Variants in PSMB2 observed in about 807,000 individuals in gnomAD.
PSMB2 encodes the protein proteasome subunit beta type-2.
A neutral mutation model predicts 25.7 loss-of-function variants in PSMB2; 13 were observed. That is an observed-to-expected ratio of 0.51 (90% CI 0.33 to 0.80). PSMB2 has a LOEUF of 0.80. PSMB2 is among the 30% of genes least tolerant of loss of function. The pLI is 0.02. For synonymous variants in PSMB2, 87 were observed against 96.2 expected (o/e 0.90, Z 0.56); for missense variants, 202 against 259.0 (o/e 0.78, Z 1.51).
chr1:35,599,699 G>A lies in PSMB2; in HGVS notation c.*3568C>T. 1.0e-6 allele frequency: 1 copy of A among 985,214 alleles called. No homozygotes were observed. Among genetic ancestry groups the A allele is most frequent in the South Asian group, 4.7e-5 (1 of 21,286 alleles). 61.0% of individuals were successfully genotyped at this position (985,214 alleles called of 1,614,324 possible). A position where few individuals can be genotyped will look rare whatever the true frequency, so the allele number is the denominator to read the frequency against. On this transcript the variant is annotated 3_prime_UTR_variant, in exon 6 of 6. Coordinates refer to ENST00000373237, the MANE Select transcript of PSMB2 (RefSeq NM_002794.5). ...CACCAGAAAGTTTTAAGGGCAGAGAGGAATGGATGGTGAAACTAGTTTTTT... is the reference window on the plus strand; with the variant it reads ...CACCAGAAAGTTTTAAGGGCAGAGAAGAATGGATGGTGAAACTAGTTTTTT...
intron 2 of PSMB2, among the ~76,000 whole-genome samples, chr1:35,633,761 T>C (rs1651166861): frequency 6.6e-6 from 1 of 152,290 alleles, no homozygotes; most frequent in African/African-American, 2.4e-5. Flanking sequence ...CTAAGCCTTA[T>C]TCATCTTTGA....
chr1:35,613,591 A>G (rs1049681453), intron 3 of PSMB2, among the ~76,000 whole-genome samples: 1 of 152,194 alleles, frequency 6.6e-6, no homozygotes, highest in East Asian at 1.9e-4. Context: ...TTCAAGTTTA[A>G]GTCAACTGCC....
In PSMB2 at chr1:35,601,632, A is replaced by G; in HGVS notation, c.*1635T>C. The G allele has an allele frequency of 1.0e-6, 1 of 985,118 alleles. No individual in the cohort carries two copies. The highest frequency in any genetic ancestry group is 1.2e-6 in the Non-Finnish European group (1 of 829,638). The allele number at this position is 985,118 out of a possible 1,614,324, so 61.0% of individuals were successfully genotyped here. ...ATGAACGTTATGATCAGTAGGTAGT[A>G]TCTTAGATGATACATTTAATCACAG... On this transcript the variant is annotated 3_prime_UTR_variant, in exon 6 of 6. Transcript: ENST00000373237.
At chr1:35,625,617 C>G (rs920504727) in intron 3 of PSMB2, among the ~76,000 whole-genome samples, 1 of 151,754 alleles carries the variant, frequency 6.6e-6, no homozygotes, top group African/African-American at 2.4e-5. Flanking sequence ...AAAAAAGTAG[C>G]CAGGCATGGT....
chr1:35,629,291 T>C (rs1651013053), intron 3 of PSMB2, among the ~76,000 whole-genome samples: 1 of 152,200 alleles, frequency 6.6e-6, no homozygotes, highest in Non-Finnish European at 1.5e-5. Flanking sequence ...TAAGGCTCTA[T>C]TTATTTAGTC....
intron 3 of PSMB2, among the ~76,000 whole-genome samples, chr1:35,613,308 T>C (rs1283995654): frequency 6.6e-6 from 1 of 150,780 alleles, no homozygotes; most frequent in African/African-American, 2.4e-5. Context: ...GAGGCCAAGG[T>C]GAGAGGACTG....
chr1:35,628,923 C>A (rs1650999953), intron 3 of PSMB2, among the ~76,000 whole-genome samples: 1 of 151,950 alleles, frequency 6.6e-6, no homozygotes, highest in Non-Finnish European at 1.5e-5. Flanking sequence ...GATGAAAACT[C>A]AAACCATAAT....
At position 35,630,080 on chromosome 1, in the gene PSMB2, C is replaced by T. The variant is rs140703000; in HGVS notation, c.285+1194G>A. 3.1e-4 allele frequency among the ~76,000 whole-genome samples: 47 copies of T among 152,188 alleles called. No homozygotes were observed. The East Asian group carries it at 8.5e-3, about 28-fold the overall frequency. ...ATCCCAGCTACTTGGGAAATGGAGG[C>T]AGGAGAATCACTTGAACCCAGGAGG... is the stretch of plus-strand genomic sequence containing the variant. On this transcript the variant is annotated intron_variant, in intron 3 of 5. Transcript: ENST00000373237.
intron 3 of PSMB2, among the ~76,000 whole-genome samples, chr1:35,612,794 C>A (rs573933529): frequency 6.6e-6 from 1 of 152,282 alleles, no homozygotes; most frequent in Non-Finnish European, 1.5e-5. Context: ...CATCAAGTTG[C>A]AATGGTATAT....
chr1:35,611,275 C>T (rs1253051615), intron 3 of PSMB2, among the ~76,000 whole-genome samples: 1 of 152,070 alleles, frequency 6.6e-6, no homozygotes, highest in Non-Finnish European at 1.5e-5. Flanking sequence ...ATTTAACATT[C>T]TTTGAACACT....
At position 35,635,200 on chromosome 1, in the gene PSMB2, G is replaced by A. The variant is rs183235647; in HGVS notation, c.214+1110C>T. On this transcript the variant is annotated intron_variant, in intron 2 of 5. Transcript: ENST00000373237. ...CTTGAACCTGGAAGGCAGAGGTTGCGGTGAGCCGAGATTGTGCCACTGCAC... is the reference window on the plus strand; with the variant it reads ...CTTGAACCTGGAAGGCAGAGGTTGCAGTGAGCCGAGATTGTGCCACTGCAC... Among the ~76,000 whole-genome samples the A allele has an allele frequency of 1.2e-3, 186 of 151,672 alleles. 1 individual carries two copies. The Middle Eastern group carries it at 0.02, about 17-fold the overall frequency.
chr1:35,615,315 A>G (rs1051149896), intron 3 of PSMB2, among the ~76,000 whole-genome samples: 3 of 152,248 alleles, frequency 2.0e-5, no homozygotes, highest in Admixed American at 2.0e-4. Flanking sequence ...TGAGCATCTG[A>G]GTCCCACAGA....
chr1:35,632,852 C>T (rs1361435885), intron 2 of PSMB2, among the ~76,000 whole-genome samples: 1 of 151,954 alleles, frequency 6.6e-6, no homozygotes, highest in Non-Finnish European at 1.5e-5. Context: ...CATGATTGTG[C>T]CACTGCACTC....
intron 3 of PSMB2, among the ~76,000 whole-genome samples, chr1:35,610,832 C>A (rs1206560116): frequency 6.6e-6 from 1 of 152,152 alleles, no homozygotes; most frequent in Admixed American, 6.5e-5. Flanking sequence ...CCAGACTTAA[C>A]TGAAAAGTAA....
chr1:35,620,807 G>A lies in PSMB2; in HGVS notation c.285+10467C>T, dbSNP rs1299723740. On this transcript the variant is annotated intron_variant, in intron 3 of 5. Transcript: ENST00000373237. ...GGCCTCCCGAGTACCTAGGACTACA[G>A]ACACCTGTCACCATGCCCAGCTAAT... Among the ~76,000 whole-genome samples the A allele has an allele frequency of 2.0e-5, 3 of 151,684 alleles. No individual in the cohort carries two copies. In the East Asian group the frequency reaches 5.9e-4, roughly 30 times the overall value.
In PSMB2 at chr1:35,605,561, A is replaced by C. The variant is rs578031286; in HGVS notation, c.449-279T>G. ...ATTCTGCCTCCCCTGGCCAGGGCCC[A>C]CCTCTGAAGAAGTCCAGCAGCCTGT... On this transcript the variant is annotated intron_variant, in intron 4 of 5. Coordinates refer to ENST00000373237, the MANE Select transcript of PSMB2 (RefSeq NM_002794.5). Among the ~76,000 whole-genome samples the C allele has an allele frequency of 1.4e-3, 215 of 152,264 alleles. 4 individuals are homozygous for C. The highest frequency in any genetic ancestry group is 5.1e-3 in the African/African-American group (212 of 41,540).
In PSMB2 at chr1:35,619,877, C is replaced by T. The variant is rs774562823; in HGVS notation, c.286-10469G>A. Among the ~76,000 whole-genome samples the T allele has an allele frequency of 1.3e-3, 196 of 152,258 alleles. 2 individuals are homozygous for T. The highest frequency in any genetic ancestry group is 2.2e-3 in the Non-Finnish European group (151 of 68,008). On this transcript the variant is annotated intron_variant, in intron 3 of 5. Transcript: ENST00000373237. ...TACTTGCTAATCAAAAATACTGCTT[C>T]CCCCCAAATAACGTCAAAATAAAAT...
At chr1:35,605,134 T>C in intron 5 of PSMB2, 99 bp downstream of exon 5, 1 of 1,248,874 alleles carries the variant, frequency 8.0e-7, no homozygotes, top group East Asian at 2.4e-5. Context: ...GTATTACACC[T>C]TCTGGCAAAA....
Position 35,632,893 on chromosome 1 carries a change from TCAA to T in PSMB2, c.215-1552_215-1550del, listed in dbSNP as rs932398431. On this transcript the variant is annotated intron_variant, in intron 2 of 5. Transcript: ENST00000373237. ...CAGGCGACAGGAGTGAGACCCTGTC[TCAA>T]CAACAACAACAAAAATAATAATAAT... is the stretch of plus-strand genomic sequence containing the variant. 4.6e-5 allele frequency among the ~76,000 whole-genome samples: 7 copies of T among 150,956 alleles called. No homozygotes were observed. In the South Asian group the frequency reaches 1.1e-3, roughly 23 times the overall value.
Sources: gnomAD v4.1 joint callset for allele counts (sites outside exome capture counted in the v4.1 genomes callset) on GRCh38, gnomAD v4.1.1 for gene constraint, MANE v1.5 for transcripts, NCBI Gene and HGNC (gene_info 2026-07-23, HGNC 2026-07-21) for gene names.